Variants in DENND1A observed in about 807,000 individuals in gnomAD.
The protein encoded by DENND1A is DENN domain containing 1A, also known as DENN domain-containing protein 1A.
A neutral mutation model predicts 113.7 loss-of-function variants in DENND1A; 51 were observed. The ratio of observed to expected loss-of-function variants is 0.45; its 90% CI spans 0.36 to 0.57. DENND1A has a LOEUF of 0.57. Ranked by LOEUF, DENND1A falls within the 20% of genes least tolerant of loss-of-function variation. The pLI is 0.00. For synonymous variants in DENND1A, 565 were observed against 570.8 expected (o/e 0.99, Z 0.14); for missense variants, 1,258 against 1,395.9 (o/e 0.90, Z 1.57).
intron 7 of DENND1A, 132 bp from the exon 8 acceptor site, chr9:123,667,211 C>A (rs1275345447): frequency 1.2e-5 from 10 of 833,660 alleles, no homozygotes; most frequent in South Asian, 1.7e-5. Flanking sequence ...GAAGAAACAC[C>A]CATGGAATAT....
In DENND1A at chr9:123,410,711, G is replaced by A. The variant is rs540264444; in HGVS notation, c.1542+1065C>T. 5.3e-5 allele frequency among the ~76,000 whole-genome samples: 8 copies of A among 152,292 alleles called. 1 individual carries two copies. The South Asian group carries it at 1.7e-3, about 32-fold the overall frequency. ...GTTCACCTGGTCACCTGCAGGCCCC[G>A]GCCTCTTTGCCTTCACAAGATGGAT... On this transcript the variant is annotated intron_variant, in intron 20 of 23. Transcript: ENST00000394215.
At chr9:123,595,866 T>G (rs1345327195) in intron 11 of DENND1A, among the ~76,000 whole-genome samples, 1 of 151,974 alleles carries the variant, frequency 6.6e-6, no homozygotes, top group Admixed American at 6.5e-5. Flanking sequence ...ACTCTAGAAA[T>G]CCACCCCAAC....
chr9:123,580,152 T>C (rs537778302), intron 12 of DENND1A, among the ~76,000 whole-genome samples: 1 of 152,226 alleles, frequency 6.6e-6, no homozygotes, highest in Non-Finnish European at 1.5e-5. Context: ...CTGTTTGCCA[T>C]AATAATCCTC....
Position 123,381,943 on chromosome 9 carries a change from G to T in DENND1A, c.2702C>A (p.Ala901Glu). 1 of 1,461,444 alleles carries T rather than the reference G, an allele frequency of 6.8e-7. No individual in the cohort carries two copies. The highest frequency in any genetic ancestry group is 9.1e-7 in the Non-Finnish European group (1 of 1,104,906). 90.5% of individuals were successfully genotyped at this position (1,461,444 alleles called of 1,614,324 possible). ...PLNPFVPSMPAAPPTLPLVST... is the reference protein window; with the variant it reads ...PLNPFVPSMPEAPPTLPLVST... The stretch of plus-strand genomic sequence containing the variant: ...GACCAGGGGCAGGGTGGGTGGGGCT[G>T]CTGGCATGGATGGGACAAAGGGGTT... The change falls in exon 24 of 24, where the codon GCA becomes GAA. Residue 901 changes from alanine (A) to glutamate (E), a missense_variant. Ala to Glu is a moderately radical substitution (Grantham distance 107, BLOSUM62 -1). Around this residue, in one of 2 missense-constraint regions of DENND1A, gnomAD observed 1,159 missense variants for 1,231.7 expected, o/e 0.94. Transcript: ENST00000394215. The surrounding 1 kb of genome is among the most constrained non-coding windows in gnomAD (Gnocchi z 4.7).
intron 13 of DENND1A, among the ~76,000 whole-genome samples, chr9:123,461,746 C>A (rs777968862): frequency 2.0e-5 from 3 of 152,146 alleles, no homozygotes; most frequent in Admixed American, 6.5e-5. Flanking sequence ...GAGGTGATAT[C>A]CCCCGGACAA....
chr9:123,578,138 TCTCA>T (rs1403076105), intron 12 of DENND1A, among the ~76,000 whole-genome samples: 1 of 152,226 alleles, frequency 6.6e-6, no homozygotes, highest in African/African-American at 2.4e-5. Flanking sequence ...TGTCTGATAC[TCTCA>T]CTTGCAAATG....
At chr9:123,639,075 GAAAAAA>G (rs1423357730) in intron 9 of DENND1A, among the ~76,000 whole-genome samples, 2 of 95,358 alleles carry the variant, frequency 2.1e-5, no homozygotes, top group African/African-American at 7.8e-5. Context: ...AAGAAAGAAA[GAAAAAA>G]AAAGAAAAAG....
intron 19 of DENND1A, among the ~76,000 whole-genome samples, chr9:123,420,025 T>A (rs1434428259): frequency 2.0e-5 from 3 of 152,200 alleles, no homozygotes; most frequent in Non-Finnish European, 4.4e-5. Context: ...TCCTGAGGCC[T>A]GAAGCATTTG....
chr9:123,625,180 G>A (rs1400569525), intron 10 of DENND1A, among the ~76,000 whole-genome samples: 3 of 152,162 alleles, frequency 2.0e-5, no homozygotes, highest in South Asian at 2.1e-4. Flanking sequence ...AATACATAAC[G>A]TCTGTATCAG....
intron 5 of DENND1A, among the ~76,000 whole-genome samples, chr9:123,747,247 T>A (rs2069594470): frequency 6.6e-6 from 1 of 152,148 alleles, no homozygotes; most frequent in Non-Finnish European, 1.5e-5. Flanking sequence ...AAGTCAAGCA[T>A]TTTTGCTGTA....
At chr9:123,481,405 CA>C (rs1269586944) in intron 13 of DENND1A, among the ~76,000 whole-genome samples, 2 of 152,202 alleles carry the variant, frequency 1.3e-5, no homozygotes, top group Non-Finnish European at 2.9e-5. Context: ...GAGGGAAGCC[CA>C]GGCACCAGGA....
At position 123,505,646 on chromosome 9, in the gene DENND1A, C is replaced by T. The variant is rs375670457; in HGVS notation, c.994-47749G>A. 3.7e-4 allele frequency among the ~76,000 whole-genome samples: 56 copies of T among 152,194 alleles called. 1 individual carries two copies. In the South Asian group the frequency reaches 8.3e-3, roughly 23 times the overall value. On this transcript the variant is annotated intron_variant, in intron 13 of 23. Coordinates refer to ENST00000394215, the MANE Select transcript of DENND1A (RefSeq NM_001352964.2). The stretch of plus-strand genomic sequence containing the variant: ...TTTTAATTGGGGTCAGATGAGGAGC[C>T]ATTTGGCTTCAGATGCTTTGTTTAT...
At chr9:123,748,509 GAGA>G (rs940532260) in intron 5 of DENND1A, among the ~76,000 whole-genome samples, 7 of 152,182 alleles carry the variant, frequency 4.6e-5, no homozygotes. Flanking sequence ...CCATGATGGA[GAGA>G]ATGTTAGGCT....
At chr9:123,802,977 T>C (rs1590149829) in intron 2 of DENND1A, among the ~76,000 whole-genome samples, 1 of 152,184 alleles carries the variant, frequency 6.6e-6, no homozygotes, top group Admixed American at 6.5e-5. Flanking sequence ...GCTGGGATTA[T>C]AGGCGTGAGC....
At chr9:123,532,679 G>C (rs534454980) in intron 13 of DENND1A, among the ~76,000 whole-genome samples, 1 of 152,262 alleles carries the variant, frequency 6.6e-6, no homozygotes, top group Admixed American at 6.5e-5. Flanking sequence ...GAAAATGGCA[G>C]TTACCCAACT....
At chr9:123,687,653 C>T (rs950125696) in intron 5 of DENND1A, among the ~76,000 whole-genome samples, 2 of 152,204 alleles carry the variant, frequency 1.3e-5, no homozygotes, top group South Asian at 2.1e-4. Context: ...CTCAAGTTAC[C>T]TTTAGTGACG....
chr9:123,741,522 T>C (rs2069021260), intron 5 of DENND1A, among the ~76,000 whole-genome samples: 1 of 152,190 alleles, frequency 6.6e-6, no homozygotes, highest in Non-Finnish European at 1.5e-5. Context: ...CTAAGGAAAA[T>C]ATTAATTTCT....
chr9:123,552,026 A>AGCGAGAGC (rs2057099572), intron 13 of DENND1A, among the ~76,000 whole-genome samples: 2 of 140,618 alleles, frequency 1.4e-5, no homozygotes, highest in African/African-American at 5.5e-5. Flanking sequence ...AGCGAGAGAG[A>AGCGAGAGC]GAGAGAGAGA....
chr9:123,617,015 C>T (rs753033244), intron 10 of DENND1A, among the ~76,000 whole-genome samples: 4 of 152,218 alleles, frequency 2.6e-5, no homozygotes, highest in African/African-American at 4.8e-5. Flanking sequence ...CTGCAGCAAT[C>T]TTGAAAGGTG....
Sources: gnomAD v4.1 joint callset for allele counts (sites outside exome capture counted in the v4.1 genomes callset) on GRCh38, gnomAD v4.1.1 for gene constraint, gnomAD v4.1.1 regional missense constraint, Gnocchi (gnomAD v3.1) non-coding constraint, MANE v1.5 for transcripts, NCBI Gene and HGNC (gene_info 2026-07-23, HGNC 2026-07-21) for gene names.